The following WDR87 variants were observed in gnomAD, a reference collection of about 807,000 sequenced individuals.
The protein encoded by WDR87 is WD repeat domain 87, also known as WD repeat-containing protein 87.
WDR87 carries 56 observed loss-of-function variants against 83.3 expected under a neutral mutation model. The observed-to-expected ratio is 0.67, with a 90% CI of 0.54 to 0.84. The LOEUF (loss-of-function observed/expected upper bound fraction) is 0.84. Ranked by LOEUF, WDR87 falls within the 40% of genes least tolerant of loss-of-function variation. WDR87 has a pLI of 0.00. For missense variants in WDR87, 2,939 were observed against 3,431.9 expected (o/e 0.86, Z 3.59); for synonymous variants, 1,173 against 1,250.6 (o/e 0.94, Z 1.31).
chr19:37,891,360 C>T (rs1307395877), intron 5 of WDR87, among the ~76,000 whole-genome samples, 192 bp downstream of exon 5: 1 of 152,042 alleles, frequency 6.6e-6, no homozygotes, highest in African/African-American at 2.4e-5. Context: ...GACGGGGTTT[C>T]ACCATGTTGG....
Position 37,885,255 on chromosome 19 carries a change from T to A in WDR87, c.8416A>T (p.Arg2806Ter). 6.6e-7 allele frequency: 1 copy of A among 1,520,438 alleles called. No individual in the cohort carries two copies. The highest frequency in any genetic ancestry group is 8.8e-7 in the Non-Finnish European group (1 of 1,134,332). The allele number at this position is 1,520,438 out of a possible 1,614,324, so 94.2% of individuals were successfully genotyped here. ...LMDLYQLKSP[R>*]IQKLLQELLM... ...AGCTCCTGAAGCAGCTTCTGGATTC[T>A]GGGGGACTTAAGTTGGTACAGGTCC... The change falls in exon 6 of 6, where the codon AGA (arginine) becomes TGA (stop). Residue 2806 changes from arginine (R) to a stop codon, truncating the protein, a stop_gained. Transcript: ENST00000447313. LOFTEE classifies it low-confidence loss of function (END_TRUNC).
At chr19:37,891,166 CTT>C (rs34489328) in intron 5 of WDR87, among the ~76,000 whole-genome samples, 46 of 137,514 alleles carry the variant, frequency 3.3e-4, no homozygotes, top group South Asian at 4.7e-4. Flanking sequence ...TGGTATCTCT[CTT>C]TTTTTTTTTT....
Position 37,887,775 on chromosome 19 carries a change from G to GT in WDR87, c.5895dup (p.Gln1966ThrfsTer32). The GT allele has an allele frequency of 4.5e-6, 7 of 1,551,690 alleles. No homozygotes were observed. Among genetic ancestry groups the GT allele is most frequent in the South Asian group, 1.2e-5 (1 of 84,016 alleles). On this transcript the variant is annotated frameshift_variant, in exon 6 of 6. Transcript: ENST00000447313. LOFTEE classifies it low-confidence loss of function (END_TRUNC). Reference sequence around the variant, plus strand: ...ATTTTTTCCTGGGCCAATTTCTCCTGTTTTTTGGCCAAACTATCCTCTACT... The same window carrying GT: ...ATTTTTTCCTGGGCCAATTTCTCCTGTTTTTTTGGCCAAACTATCCTCTACT...
chr19:37,886,508 T>C lies in WDR87; in HGVS notation c.7163A>G (p.Gln2388Arg). 6.6e-7 allele frequency: 1 copy of C among 1,506,436 alleles called. No homozygotes were observed. 93.3% of individuals were successfully genotyped at this position (1,506,436 alleles called of 1,614,324 possible). ...REKEILKKEKQFKLQEQRRKS... is the reference protein window; with the variant it reads ...REKEILKKEKRFKLQEQRRKS... ...TCTTCTTTGTTCTTGTAACTTAAATTGTTTTTCTTTTTTTAAGATCTCTTT... is the reference window on the plus strand; with the variant it reads ...TCTTCTTTGTTCTTGTAACTTAAATCGTTTTTCTTTTTTTAAGATCTCTTT... The change falls in exon 6 of 6, where the codon CAA (glutamine) becomes CGA (arginine). Residue 2388 changes from glutamine (Q) to arginine (R), a missense_variant. Physicochemically the swap from Gln to Arg is conservative, Grantham distance 43. Coordinates refer to ENST00000447313, the MANE Select transcript of WDR87 (RefSeq NM_001291088.2).
In WDR87 at chr19:37,885,052, G is replaced by A; in HGVS notation, c.8619C>T (p.Arg2873=). The stretch of plus-strand genomic sequence containing the variant: ...GGGCAATGCCCACGGGAAGGATGGT[G>A]CGCACACAGTTCTGCCATGGGAGGG... ...AVPLPWQNCV[R]TILPVGIARY... Residue 2873 remains arginine, a synonymous_variant, in exon 6 of 6, where the codon CGC becomes CGT. Transcript: ENST00000447313. The A allele has an allele frequency of 2.0e-6, 3 of 1,470,390 alleles. No homozygotes were observed. Among genetic ancestry groups the A allele is most frequent in the Non-Finnish European group, 2.7e-6 (3 of 1,109,610 alleles). 91.1% of individuals were successfully genotyped at this position (1,470,390 alleles called of 1,614,324 possible).
intron 1 of WDR87, among the ~76,000 whole-genome samples, chr19:37,905,764 G>C (rs969144268): frequency 3.3e-5 from 5 of 151,842 alleles, no homozygotes; most frequent in Non-Finnish European, 7.4e-5. Flanking sequence ...TATGTTACCC[G>C]GCCAGTCTCC....
Position 37,888,481 on chromosome 19 carries a change from G to A in WDR87, c.5190C>T (p.Asn1730=), listed in dbSNP as rs1388144961. The A allele has an allele frequency of 1.3e-6, 2 of 1,551,490 alleles. No homozygotes were observed. The highest frequency in any genetic ancestry group is 1.4e-5 in the African/African-American group (1 of 72,878). ...KKGGKLAEVK[N]ILAQKVEELP... is the part of the protein sequence containing the mutation. ...GTTCTTCCACTTTCTGGGCCAATATGTTTTTCACCTCAGCCAGTTTCCCTC... is the reference window on the plus strand; with the variant it reads ...GTTCTTCCACTTTCTGGGCCAATATATTTTTCACCTCAGCCAGTTTCCCTC... Residue 1730 remains asparagine (N), a synonymous_variant, in exon 6 of 6, where the codon AAC becomes AAT. Transcript: ENST00000447313.
At position 37,888,947 on chromosome 19, in the gene WDR87, T is replaced by TACA. The variant is rs1488071989; in HGVS notation, c.4723_4724insTGT (p.Gln1575delinsLeuTer). The TACA allele has an allele frequency of 6.4e-7, 1 of 1,552,254 alleles. No individual in the cohort carries two copies. The highest frequency in any genetic ancestry group is 1.4e-5 in the African/African-American group (1 of 73,164). ...CACTTCTTCCTCATCCTTGTACTGT[T>TACA]GCTCCTTGGACTTAGATGATAACAT... On this transcript the variant is annotated stop_gained and protein_altering_variant, in exon 6 of 6. Transcript: ENST00000447313. LOFTEE classifies it low-confidence loss of function (END_TRUNC).
At chr19:37,890,403 T>TAA (rs34144200) in intron 5 of WDR87, 127 bp from the exon 6 acceptor site, 6,784 of 1,002,068 alleles carry the variant, frequency 6.8e-3, no homozygotes, top group Middle Eastern at 0.016. Context: ...ACTGAGGCCT[T>TAA]AAAAAAAAAA....
At chr19:37,905,231 C>CAAA (rs556366437) in intron 1 of WDR87, among the ~76,000 whole-genome samples, 2 of 64,020 alleles carry the variant, frequency 3.1e-5, no homozygotes, top group Admixed American at 1.7e-4. Flanking sequence ...ACTCCGTCTC[C>CAAA]AAAAAAAAAA....
rs1377587854 is a variant in WDR87 at position 37,896,197 on chromosome 19, TG to T, written c.186del (p.Phe62LeufsTer13). 1.9e-6 allele frequency: 3 copies of T among 1,552,206 alleles called. No homozygotes were observed. The East Asian group carries it at 7.3e-5, about 38-fold the overall frequency. On this transcript the variant is annotated frameshift_variant, in exon 3 of 6. Transcript: ENST00000447313. LOFTEE classifies it high-confidence loss of function. ...AGGGAGGCGAAGAAGTGGGCATCAC[TG>T]AAGTAATAGCATACACACGGCATAT... ...PQNMPCVCYY[F>X]SDAHFFASLS...
At chr19:37,904,027 GCCTCCCGAGTAGCTA>G (rs1259958337) in intron 1 of WDR87, among the ~76,000 whole-genome samples, 1 of 151,796 alleles carries the variant, frequency 6.6e-6, no homozygotes, top group East Asian at 1.9e-4. Flanking sequence ...TCCTGCCTCA[GCCTCCCGAGTAGCTA>G]CAGGCGCCCG....
chr19:37,890,421 T>C, intron 5 of WDR87, 145 bp from the exon 6 acceptor site: 1 of 1,122,730 alleles, frequency 8.9e-7, no homozygotes, highest in Non-Finnish European at 1.2e-6. Flanking sequence ...AAAAGCATTC[T>C]CTTTGCTTTA....
chr19:37,901,726 T>G (rs1448645442), intron 1 of WDR87, among the ~76,000 whole-genome samples: 1 of 151,982 alleles, frequency 6.6e-6, no homozygotes, highest in Non-Finnish European at 1.5e-5. Context: ...TGTGGTTTTT[T>G]TTTTTGAGAC....
rs1356457953 is a variant in WDR87 at position 37,893,689 on chromosome 19, C to T, written c.2014G>A (p.Val672Met). ...GGGGGAAGCAATTTTAAACAGGACA[C>T]TAGGTAAAGACTCTGGTTAAAAGTC... is the stretch of plus-strand genomic sequence containing the variant. ...LVTFNQSLYL[V>M]SCLKLLPPAL... The change falls in exon 4 of 6, where the codon GTG (valine) becomes ATG (methionine). Residue 672 changes from valine to methionine, a missense_variant. Val to Met is a conservative substitution (Grantham distance 21). This residue lies in a region of WDR87 where 553 missense variants were observed against 577.9 expected (regional missense o/e 0.96). Coordinates refer to ENST00000447313, the MANE Select transcript of WDR87 (RefSeq NM_001291088.2). 6.4e-7 allele frequency: 1 copy of T among 1,551,964 alleles called. No individual in the cohort carries two copies. Among genetic ancestry groups the T allele is most frequent in the Non-Finnish European group, 8.7e-7 (1 of 1,147,096 alleles).
chr19:37,902,022 GTTTA>G (rs10618499), intron 1 of WDR87, among the ~76,000 whole-genome samples: 61,812 of 144,786 alleles, frequency 0.43, 14,068 homozygotes, highest in Middle Eastern at 0.6. Context: ...GGCCCTCTAT[GTTTA>G]TTTATTTATT....
rs2145424703 is a variant in WDR87, at chr19:37,890,224, C to G, written c.3447G>C (p.Gln1149His). The stretch of plus-strand genomic sequence containing the variant: ...CTAAGAGGCCTGGCTCTGTGCTCAT[C>G]TGTTTAGAGTCTCTCTCTTTCGTCT... ...LKKTKERDSK[Q>H]MSTEPGLLED... Residue 1149 changes from glutamine (Q) to histidine (H), a missense_variant, in exon 6 of 6, where the codon CAG (glutamine) becomes CAC (histidine). Physicochemically the swap from Gln to His is conservative, Grantham distance 24. Coordinates refer to ENST00000447313, the MANE Select transcript of WDR87 (RefSeq NM_001291088.2). 6.4e-7 allele frequency: 1 copy of G among 1,551,240 alleles called. No homozygotes were observed. The highest frequency in any genetic ancestry group is 2.0e-5 in the Admixed American group (1 of 50,890).
At chr19:37,897,241 CTG>C (rs2046263322) in intron 2 of WDR87, among the ~76,000 whole-genome samples, 1 of 128,382 alleles carries the variant, frequency 7.8e-6, no homozygotes, top group African/African-American at 3.0e-5. Context: ...AGATCTCACT[CTG>C]TGGCCCCATG....
At chr19:37,891,954 T>C in intron 4 of WDR87, 134 bp from the exon 5 acceptor site, 1 of 1,075,664 alleles carries the variant, frequency 9.3e-7, no homozygotes, top group Non-Finnish European at 1.3e-6. Context: ...CAGAGGAAAA[T>C]AATGGCTGAG....
Sources: allele counts gnomAD v4.1 joint callset (sites outside exome capture counted in the v4.1 genomes callset), GRCh38; gene constraint gnomAD v4.1.1; regional missense constraint gnomAD v4.1.1; transcripts MANE v1.5; gene names NCBI Gene and HGNC (gene_info 2026-07-23, HGNC 2026-07-21).